Variants in ASCC1 observed in about 807,000 individuals in gnomAD.
ASCC1 encodes ASC-1 complex subunit P50.
In ASCC1, 35 loss-of-function variants were observed where a neutral mutation model predicts 46.6. The observed-to-expected ratio is 0.75, with a 90% CI of 0.57 to 0.99. ASCC1 has a LOEUF of 0.99. ASCC1 is among the 50% of genes least tolerant of loss of function. The pLI is 0.00. For missense variants in ASCC1, 376 were observed against 428.7 expected, an observed-to-expected ratio of 0.88 and a Z score of 1.09; for synonymous variants, 143 against 146.6, an observed-to-expected ratio of 0.98 and a Z score of 0.18.
Position 72,134,701 on chromosome 10 carries a change from C to T in ASCC1, c.747-1520G>A, listed in dbSNP as rs114994254. 3.3e-3 allele frequency among the ~76,000 whole-genome samples: 508 copies of T among 152,324 alleles called. 2 individuals carry two copies. The highest frequency in any genetic ancestry group is 0.012 in the African/African-American group (486 of 41,564). ...TTGACTCCCTTATACCAGGGCATCT[C>T]ACTTCTCACCACTTCCAGTGCCACT... On this transcript the variant is annotated intron_variant, in intron 7 of 9. Coordinates refer to ENST00000672957, the MANE Select transcript of ASCC1 (RefSeq NM_001198800.3).
intron 9 of ASCC1, among the ~76,000 whole-genome samples, chr10:72,106,908 C>T (rs1842400684): frequency 6.6e-6 from 1 of 152,148 alleles, no homozygotes; most frequent in African/African-American, 2.4e-5. Context: ...GTGTATGGGC[C>T]TCTCAATTCC....
intron 7 of ASCC1, among the ~76,000 whole-genome samples, chr10:72,149,848 G>A (rs1272037246): frequency 2.0e-5 from 3 of 152,072 alleles, no homozygotes; most frequent in Non-Finnish European, 2.9e-5. Flanking sequence ...TTTAAGGTAG[G>A]TCATTAGTAT....
chr10:72,105,307 G>GCC (rs1842222995), intron 9 of ASCC1, among the ~76,000 whole-genome samples: 2 of 152,166 alleles, frequency 1.3e-5, no homozygotes, highest in Non-Finnish European at 2.9e-5. Context: ...TTTGGGGATC[G>GCC]CTGGCACCCT....
At chr10:72,193,701 G>C (rs1854910732) in intron 5 of ASCC1, among the ~76,000 whole-genome samples, 1 of 151,948 alleles carries the variant, frequency 6.6e-6, no homozygotes. Flanking sequence ...TAATGTTGAA[G>C]ATAAAATTGA....
At chr10:72,110,988 T>G (rs374432855) in intron 9 of ASCC1, among the ~76,000 whole-genome samples, 4 of 152,362 alleles carry the variant, frequency 2.6e-5, no homozygotes, top group African/African-American at 9.6e-5. Context: ...CTGCATCCTC[T>G]GTCAGAACCA....
At chr10:72,124,906 A>G (rs1293939395) in intron 9 of ASCC1, among the ~76,000 whole-genome samples, 1 of 152,166 alleles carries the variant, frequency 6.6e-6, no homozygotes, top group Non-Finnish European at 1.5e-5. Flanking sequence ...AGGTTTGAAT[A>G]ACACAGGAGA....
chr10:72,177,684 G>A (rs931654240), intron 5 of ASCC1, among the ~76,000 whole-genome samples: 1 of 152,160 alleles, frequency 6.6e-6, no homozygotes, highest in Non-Finnish European at 1.5e-5. Flanking sequence ...GGACCCTGCT[G>A]TGAGATAAAG....
rs1489589520 is a variant in ASCC1 at position 72,210,911 on chromosome 10, G to A, written c.113-80C>T. ...GCTTTCGCCTCAGCTGTCAACCGCT[G>A]TTGAGGTTTAAAAAAAGCAATACAC... On this transcript the variant is annotated intron_variant, in intron 2 of 9. Transcript: ENST00000672957. 2.2e-6 allele frequency: 3 copies of A among 1,365,888 alleles called. No individual in the cohort carries two copies. In the African/African-American group the frequency reaches 4.3e-5, roughly 20 times the overall value. 84.6% of individuals were successfully genotyped at this position (1,365,888 alleles called of 1,614,324 possible).
At chr10:72,191,907 C>T (rs1854573992) in intron 5 of ASCC1, among the ~76,000 whole-genome samples, 1 of 151,698 alleles carries the variant, frequency 6.6e-6, no homozygotes, top group Non-Finnish European at 1.5e-5. Context: ...CTCGGCCTCC[C>T]AAAGTGCTAG....
chr10:72,186,296 A>G (rs1853439272), intron 5 of ASCC1, among the ~76,000 whole-genome samples: 2 of 152,048 alleles, frequency 1.3e-5, no homozygotes, highest in Non-Finnish European at 2.9e-5. Context: ...GAATAAACAT[A>G]TATTACAAAT....
At chr10:72,142,873 T>C (rs1847187661) in intron 7 of ASCC1, among the ~76,000 whole-genome samples, 1 of 152,028 alleles carries the variant, frequency 6.6e-6, no homozygotes, top group Admixed American at 6.6e-5. Flanking sequence ...CAAAAAGGTA[T>C]TAAATGGGCC....
intron 7 of ASCC1, among the ~76,000 whole-genome samples, chr10:72,144,901 T>C (rs1409949173): frequency 6.6e-6 from 1 of 152,188 alleles, no homozygotes; most frequent in African/African-American, 2.4e-5. Context: ...CCTCCTTATA[T>C]CTCAGACTTT....
intron 7 of ASCC1, among the ~76,000 whole-genome samples, chr10:72,146,698 C>A (rs983457769): frequency 3.9e-5 from 6 of 152,036 alleles, no homozygotes; most frequent in Non-Finnish European, 7.4e-5. Flanking sequence ...CAAACCAAAC[C>A]GAGGATGCAT....
At chr10:72,122,419 CA>C (rs1210357975) in intron 9 of ASCC1, among the ~76,000 whole-genome samples, 1,443 of 72,246 alleles carry the variant, frequency 0.02, 14 homozygotes, top group African/African-American at 0.061. Flanking sequence ...GACGCAGTCT[CA>C]AAAAAAAAAA....
At chr10:72,166,713 CAT>C (rs1401813722) in intron 5 of ASCC1, among the ~76,000 whole-genome samples, 2 of 151,430 alleles carry the variant, frequency 1.3e-5, no homozygotes, top group Non-Finnish European at 3.0e-5. Flanking sequence ...TAAATATAAA[CAT>C]AAAAAATTCT....
chr10:72,209,507 G>A (rs1405516252), intron 3 of ASCC1, among the ~76,000 whole-genome samples: 3 of 152,034 alleles, frequency 2.0e-5, no homozygotes, highest in African/African-American at 7.2e-5. Context: ...AAATAGGCTG[G>A]GTGCAGTGGC....
intron 7 of ASCC1, among the ~76,000 whole-genome samples, chr10:72,139,049 G>A (rs1234882268): frequency 6.6e-6 from 1 of 151,792 alleles, no homozygotes; most frequent in East Asian, 1.9e-4. Flanking sequence ...AGAGCTTAAG[G>A]GTACTTGGAC....
At chr10:72,152,310 G>A (rs757022755) in intron 7 of ASCC1, among the ~76,000 whole-genome samples, 2 of 151,678 alleles carry the variant, frequency 1.3e-5, no homozygotes, top group Non-Finnish European at 2.9e-5. Flanking sequence ...GATTACGGGC[G>A]TGAGCCACCA....
At chr10:72,204,255 A>G (rs1856892961) in intron 3 of ASCC1, among the ~76,000 whole-genome samples, 1 of 152,152 alleles carries the variant, frequency 6.6e-6, no homozygotes, top group African/African-American at 2.4e-5. Flanking sequence ...GCCTCAAAAA[A>G]TAAATTTTTT....
Sources: allele counts gnomAD v4.1 joint callset (sites outside exome capture counted in the v4.1 genomes callset), GRCh38; gene constraint gnomAD v4.1.1; transcripts MANE v1.5; gene names NCBI Gene and HGNC (gene_info 2026-07-23, HGNC 2026-07-21).